SCAF11: variants seen among roughly 807,000 people sequenced by gnomAD.
SCAF11 encodes SR-related CTD associated factor 11.
A neutral mutation model predicts 140.5 loss-of-function variants in SCAF11; 47 were observed. That is an observed-to-expected ratio of 0.33 (90% CI 0.26 to 0.43). The LOEUF is 0.43. SCAF11 is among the 20% of genes least tolerant of loss of function. The pLI, the probability that SCAF11 is intolerant of heterozygous loss-of-function variation, is 1.00. For missense variants in SCAF11, 1,645 were observed against 1,705.1 expected, an observed-to-expected ratio of 0.96 and a Z score of 0.62; for synonymous variants, 557 against 579.4, an observed-to-expected ratio of 0.96 and a Z score of 0.55.
intron 2 of SCAF11, among the ~76,000 whole-genome samples, chr12:45,962,294 T>C (rs143585659): frequency 0.01 from 1,573 of 152,308 alleles, 29 homozygotes; most frequent in African/African-American, 0.036. Context: ...CTATACACAC[T>C]AGTCTGCTTT....
intron 3 of SCAF11, among the ~76,000 whole-genome samples, chr12:45,957,437 C>A (rs936428065): frequency 6.6e-6 from 1 of 152,090 alleles, no homozygotes; most frequent in Non-Finnish European, 1.5e-5. Flanking sequence ...AAAAATATAA[C>A]CTTCACCTAT....
chr12:45,963,975 G>A (rs1339277725), intron 2 of SCAF11, 132 bp downstream of exon 2: 2 of 595,578 alleles, frequency 3.4e-6, no homozygotes, highest in Non-Finnish European at 5.9e-6. Context: ...TGTATACTTA[G>A]GCAGCTTATT....
chr12:45,991,449 C>T (rs1281780993), upstream of SCAF11, among the ~76,000 whole-genome samples: 4 of 152,164 alleles, frequency 2.6e-5, no homozygotes, highest in African/African-American at 4.8e-5. Context: ...GCGGTCCCAG[C>T]TCCTCGGGAA....
intron 1 of SCAF11, among the ~76,000 whole-genome samples, chr12:45,977,608 C>A (rs1344591918): frequency 6.6e-6 from 1 of 152,032 alleles, no homozygotes; most frequent in Non-Finnish European, 1.5e-5. Context: ...AACATGAGAG[C>A]AATTTTTTGA....
chr12:45,954,880 T>G (rs918043940), intron 3 of SCAF11: 1 of 151,090 alleles, frequency 6.6e-6, no homozygotes, highest in African/African-American at 2.4e-5. Flanking sequence ...CCATCACACC[T>G]GCTCTGAGCC....
intron 6 of SCAF11, among the ~76,000 whole-genome samples, chr12:45,937,783 T>C (rs1945204891): frequency 6.6e-6 from 1 of 152,224 alleles, no homozygotes; most frequent in Non-Finnish European, 1.5e-5. Context: ...TTAATTTCCC[T>C]CTCTGTTGTT....
intron 2 of SCAF11, among the ~76,000 whole-genome samples, chr12:45,963,703 C>G (rs1385215542): frequency 2.6e-5 from 4 of 152,064 alleles, no homozygotes; most frequent in East Asian, 1.9e-4. Flanking sequence ...GAACTATAAC[C>G]TATACATTGA....
chr12:45,926,046 C>G, intron 11 of SCAF11, 96 bp downstream of exon 11: 1 of 1,313,262 alleles, frequency 7.6e-7, no homozygotes, highest in Non-Finnish European at 1.0e-6. Context: ...ATTATAAAAA[C>G]TACAAATAAG....
intron 6 of SCAF11, among the ~76,000 whole-genome samples, chr12:45,940,504 C>G (rs529672529): frequency 1.3e-5 from 2 of 152,292 alleles, no homozygotes; most frequent in Non-Finnish European, 2.9e-5. Context: ...AGTCAGAAGA[C>G]TGGATCAAAT....
rs531681860 is a variant in SCAF11 at position 45,963,319 on chromosome 12, T to C, written c.61+788A>G. 2.6e-5 allele frequency among the ~76,000 whole-genome samples: 4 copies of C among 151,716 alleles called. No individual in the cohort carries two copies. The East Asian group carries it at 5.8e-4, about 22-fold the overall frequency. On this transcript the variant is annotated intron_variant, in intron 2 of 14. Transcript: ENST00000369367. Reference sequence around the variant, plus strand: ...AACAATGGAGTAAAACTGTAAAATATCAAAGACGAAACCAAGACCTTAAAA... The same window carrying C: ...AACAATGGAGTAAAACTGTAAAATACCAAAGACGAAACCAAGACCTTAAAA...
intron 10 of SCAF11, 173 bp from the exon 11 acceptor site, chr12:45,929,032 T>A (rs1944974915): frequency 2.6e-6 from 1 of 386,276 alleles, no homozygotes; most frequent in Non-Finnish European, 4.5e-6. Flanking sequence ...GACTTATTCA[T>A]CAACTTTCTT....
Position 45,928,232 on chromosome 12 carries a change from C to T in SCAF11, c.1469G>A (p.Gly490Glu). ...QDLPVLVGEE[G>E]EVKKLENTGI... ...TGTATTCTCGAGTTTTTTAACTTCC[C>T]CTTCCTCACCAACTAGCACAGGAAG... The change falls in exon 11 of 15, where the codon GGG becomes GAG. Residue 490 changes from glycine (G) to glutamate (E), a missense_variant. This residue lies in a region of SCAF11 where 1,582 missense variants were observed against 1,609.2 expected (regional missense o/e 0.98). Transcript: ENST00000369367. The T allele has an allele frequency of 6.2e-7, 1 of 1,613,988 alleles. No individual in the cohort carries two copies. The highest frequency in any genetic ancestry group is 8.5e-7 in the Non-Finnish European group (1 of 1,179,998).
At chr12:45,962,868 T>C (rs11183251) in intron 2 of SCAF11, among the ~76,000 whole-genome samples, 42,350 of 152,144 alleles carry the variant, frequency 0.28, 6,278 homozygotes, top group East Asian at 0.34. Context: ...TAGGCCCTCA[T>C]AGATTTAATT....
intron 1 of SCAF11, among the ~76,000 whole-genome samples, chr12:45,989,973 C>T (rs765233699): frequency 1.6e-4 from 24 of 150,930 alleles, no homozygotes; most frequent in Non-Finnish European, 2.8e-4. Flanking sequence ...CGTGGAGCCC[C>T]TTCCCCCCCC....
At chr12:45,924,665 G>T in intron 12 of SCAF11, 63 bp downstream of exon 12, 2 of 1,362,894 alleles carry the variant, frequency 1.5e-6, no homozygotes, top group Admixed American at 2.0e-5. Flanking sequence ...TTGAACATCT[G>T]TCATGAACAG....
intron 1 of SCAF11, among the ~76,000 whole-genome samples, chr12:45,981,994 A>G (rs765262292): frequency 7.2e-5 from 11 of 152,242 alleles, no homozygotes; most frequent in African/African-American, 1.4e-4. Flanking sequence ...GATATGCCAA[A>G]TAATGCAAAC....
chr12:45,948,904 A>C lies in SCAF11; in HGVS notation c.298-367T>G, dbSNP rs1592191894. Among the ~76,000 whole-genome samples the C allele has an allele frequency of 4.6e-5, 7 of 152,298 alleles. 1 individual carries two copies. The highest frequency in any genetic ancestry group is 4.6e-4 in the Admixed American group (7 of 15,288). ...AGTTAGGAATTGGTCTAAGAAAAAAATATTCTAGGTGGAGGAAAGAACAGA... is the reference window on the plus strand; with the variant it reads ...AGTTAGGAATTGGTCTAAGAAAAAACTATTCTAGGTGGAGGAAAGAACAGA... On this transcript the variant is annotated intron_variant, in intron 4 of 14. Transcript: ENST00000369367.
Position 45,926,512 on chromosome 12 carries a change from A to G in SCAF11, c.3189T>C (p.Phe1063=). The G allele has an allele frequency of 6.2e-7, 1 of 1,613,690 alleles. No individual in the cohort carries two copies. Among genetic ancestry groups the G allele is most frequent in the South Asian group, 1.1e-5 (1 of 90,920 alleles). Residue 1063 remains phenylalanine, a synonymous_variant, in exon 11 of 15, where the codon TTT becomes TTC. Transcript: ENST00000369367. The part of the protein sequence containing the change: ...ENSGNSWNKN[F]GSGWVSNRGR... Reference sequence around the variant, plus strand: ...CACGGTTAGATACCCAACCAGAACCAAAGTTTTTATTCCAAGAATTTCCTG... The same window carrying G: ...CACGGTTAGATACCCAACCAGAACCGAAGTTTTTATTCCAAGAATTTCCTG...
Position 45,927,192 on chromosome 12 carries a change from T to G in SCAF11, c.2509A>C (p.Asn837His), listed in dbSNP as rs774829891. Residue 837 changes from asparagine to histidine, a missense_variant, in exon 11 of 15, where the codon AAT becomes CAT. This residue lies in a region of SCAF11 where 1,582 missense variants were observed against 1,609.2 expected (regional missense o/e 0.98). Transcript: ENST00000369367. Reference sequence around the variant, plus strand: ...TTTTTCCGGCCTCTGGCTGACTCATTCTTAGGAGATGGTGATTGAGACTTC... The same window carrying G: ...TTTTTCCGGCCTCTGGCTGACTCATGCTTAGGAGATGGTGATTGAGACTTC... Reference protein sequence around the residue: ...SRKSQSPSPKNESARGRKKSR... With the variant: ...SRKSQSPSPKHESARGRKKSR... 5.6e-6 allele frequency: 9 copies of G among 1,614,138 alleles called. No homozygotes were observed. The highest frequency in any genetic ancestry group is 7.6e-6 in the Non-Finnish European group (9 of 1,180,002).
Sources: gnomAD v4.1 joint callset for allele counts (sites outside exome capture counted in the v4.1 genomes callset) on GRCh38, gnomAD v4.1.1 for gene constraint, gnomAD v4.1.1 regional missense constraint, MANE v1.5 for transcripts, NCBI Gene and HGNC (gene_info 2026-07-23, HGNC 2026-07-21) for gene names.